Variants in ZNF407 observed in about 807,000 individuals in gnomAD.
The protein encoded by ZNF407 is zinc finger protein 407.
In ZNF407, 17 loss-of-function variants were observed where a neutral mutation model predicts 131.2. The observed-to-expected ratio is 0.13, with a 90% CI of 0.09 to 0.19. The LOEUF is 0.19. ZNF407 is among the 10% of genes least tolerant of loss of function. The pLI is 1.00. For synonymous variants in ZNF407, 1,156 were observed against 1,062.0 expected, an observed-to-expected ratio of 1.09 and a Z score of -1.72; for missense variants, 2,681 against 2,830.6, an observed-to-expected ratio of 0.95 and a Z score of 1.20.
At chr18:75,007,497 G>A (rs529598391) in intron 8 of ZNF407, among the ~76,000 whole-genome samples, 1 of 152,098 alleles carries the variant, frequency 6.6e-6, no homozygotes, top group Non-Finnish European at 1.5e-5. Flanking sequence ...GGACATTCTC[G>A]CACACAATCA....
chr18:74,703,694 A>AT lies in ZNF407; in HGVS notation c.4802+62582dup, dbSNP rs541481003. 1.4e-4 allele frequency among the ~76,000 whole-genome samples: 21 copies of AT among 149,920 alleles called. No homozygotes were observed. The highest frequency in any genetic ancestry group is 3.9e-4 in the East Asian group (2 of 5,102). ...ATCTCTTTTATGGGCTATGAGATTG[A>AT]TTTTTTTTTTAACTGAATATGGTAA... On this transcript the variant is annotated intron_variant, in intron 3 of 8. Coordinates refer to ENST00000299687, the MANE Select transcript of ZNF407 (RefSeq NM_017757.3). This position sits in a 1 kb window ranked among gnomAD's most constrained non-coding sequence, Gnocchi z 4.1.
Position 75,063,442 on chromosome 18 carries a change from G to A in ZNF407, c.5721G>A (p.Glu1907=), listed in dbSNP as rs991548627. 2 of 1,608,898 alleles carry A rather than the reference G, an allele frequency of 1.2e-6. No homozygotes were observed. Among genetic ancestry groups the A allele is most frequent in the Admixed American group, 1.7e-5 (1 of 59,446 alleles). ...GQVARVVHIT[E]DGQVIATSQS... ...TGGCCCGGGTGGTGCATATCACGGA[G>A]GATGGCCAGGTCATCGCCACGAGTC... Residue 1907 remains glutamate (E), a synonymous_variant, in exon 9 of 9, where the codon GAG becomes GAA. Transcript: ENST00000299687. This position sits in a 1 kb window ranked among gnomAD's most constrained non-coding sequence, Gnocchi z 6.6.
At chr18:74,889,863 C>T in intron 6 of ZNF407, 55 bp from the exon 7 acceptor site, 1 of 1,516,310 alleles carries the variant, frequency 6.6e-7, no homozygotes, top group Non-Finnish European at 8.9e-7. Flanking sequence ...AGGTTTATTC[C>T]TTCATTTCCA....
chr18:74,964,603 G>GTTTGTTCT (rs1599267427), intron 8 of ZNF407, among the ~76,000 whole-genome samples: 1 of 143,414 alleles, frequency 7.0e-6, no homozygotes, highest in Non-Finnish European at 1.5e-5. Flanking sequence ...TTTTTTTTGG[G>GTTTGTTCT]TCTTCTGAAC....
chr18:74,641,466 T>A (rs1171628107), intron 3 of ZNF407, among the ~76,000 whole-genome samples: 1 of 152,156 alleles, frequency 6.6e-6, no homozygotes, highest in Non-Finnish European at 1.5e-5. Context: ...AATGTATATG[T>A]ATTTTTTTTT....
In ZNF407 at chr18:75,048,218, C is replaced by T. The variant is rs1450296497; in HGVS notation, c.5429-14932C>T. 6.6e-6 allele frequency among the ~76,000 whole-genome samples: 1 copy of T among 152,220 alleles called. No individual in the cohort carries two copies. Among genetic ancestry groups the T allele is most frequent in the African/African-American group, 2.4e-5 (1 of 41,464 alleles). ...CTGTACAGACACCGCCCTTTTTGCT[C>T]TCAATGGTATTCTGATTTCACTGAT... On this transcript the variant is annotated intron_variant, in intron 8 of 8. Coordinates refer to ENST00000299687, the MANE Select transcript of ZNF407 (RefSeq NM_017757.3). The surrounding 1 kb of genome is among the most constrained non-coding windows in gnomAD (Gnocchi z 4.1).
chr18:74,723,066 T>C (rs1968076696), intron 3 of ZNF407, among the ~76,000 whole-genome samples: 1 of 152,226 alleles, frequency 6.6e-6, no homozygotes, highest in Non-Finnish European at 1.5e-5. Flanking sequence ...TTCAAATTTA[T>C]TGATTCTTTA....
intron 1 of ZNF407, among the ~76,000 whole-genome samples, chr18:74,604,766 C>T (rs1982728290): frequency 6.6e-6 from 1 of 152,190 alleles, no homozygotes. Flanking sequence ...TGCCTCTGTA[C>T]ATACATCATG....
chr18:74,989,579 C>T (rs188859026), intron 8 of ZNF407, among the ~76,000 whole-genome samples: 4 of 152,282 alleles, frequency 2.6e-5, no homozygotes, highest in African/African-American at 9.6e-5. Flanking sequence ...CGGTGGCTCA[C>T]ACCTGTAATC....
chr18:74,896,113 G>A (rs900869815), intron 7 of ZNF407, among the ~76,000 whole-genome samples: 5 of 152,038 alleles, frequency 3.3e-5, no homozygotes, highest in Admixed American at 2.0e-4. Context: ...TTTCTTTTGG[G>A]TGATTTTGAA....
chr18:74,642,338 T>C (rs1984762158), intron 3 of ZNF407, among the ~76,000 whole-genome samples: 1 of 152,138 alleles, frequency 6.6e-6, no homozygotes, highest in Admixed American at 6.5e-5. Flanking sequence ...AAATGGTTCA[T>C]TTTAATTGCT....
At chr18:74,907,720 GTGTT>G (rs1221230454) in intron 7 of ZNF407, among the ~76,000 whole-genome samples, 1 of 152,150 alleles carries the variant, frequency 6.6e-6, no homozygotes, top group Non-Finnish European at 1.5e-5. Context: ...ATTTTGCCTA[GTGTT>G]TAGCTGTTCT....
intron 8 of ZNF407, among the ~76,000 whole-genome samples, chr18:74,987,706 C>A (rs559976730): frequency 6.6e-6 from 1 of 151,656 alleles, no homozygotes; most frequent in East Asian, 1.9e-4. Flanking sequence ...AAAAAAAAAA[C>A]TGGATTAGAA....
At chr18:74,969,037 C>G (rs1231970573) in intron 8 of ZNF407, among the ~76,000 whole-genome samples, 1 of 152,132 alleles carries the variant, frequency 6.6e-6, no homozygotes, top group Non-Finnish European at 1.5e-5. Flanking sequence ...TCTGTCATCG[C>G]CACTCCATTG....
intron 3 of ZNF407, among the ~76,000 whole-genome samples, chr18:74,646,101 A>C (rs529292992): frequency 2.6e-5 from 4 of 152,348 alleles, no homozygotes; most frequent in Non-Finnish European, 5.9e-5. Context: ...AGTAATTTTT[A>C]TAGGCTGGAA....
chr18:74,791,056 G>C (rs1028216649), intron 4 of ZNF407, among the ~76,000 whole-genome samples: 1 of 152,068 alleles, frequency 6.6e-6, no homozygotes, highest in Non-Finnish European at 1.5e-5. Context: ...CTAACACTGT[G>C]GTGTTTTCTT....
Position 74,781,502 on chromosome 18 carries a change from G to T in ZNF407, c.4877G>T (p.Arg1626Met). 1 of 1,503,872 alleles carries T rather than the reference G, an allele frequency of 6.6e-7. No individual in the cohort carries two copies. Among genetic ancestry groups the T allele is most frequent in the South Asian group, 1.4e-5 (1 of 73,958 alleles). The allele number at this position is 1,503,872 out of a possible 1,614,324, so 93.2% of individuals were successfully genotyped here. Residue 1626 changes from arginine to methionine, a missense_variant and splice_region_variant, in exon 4 of 9, where the codon AGG becomes ATG. Coordinates refer to ENST00000299687, the MANE Select transcript of ZNF407 (RefSeq NM_017757.3). The stretch of plus-strand genomic sequence containing the variant: ...CATGGAGTTGGCACCCCAAAAGAAA[G>T]GTAATTTTCATTCTTTTTTTTTCAT... ...GKHGVGTPKE[R>M]KFTCHLCDRS...
chr18:74,786,991 G>C (rs1265286409), intron 4 of ZNF407, among the ~76,000 whole-genome samples: 1 of 151,490 alleles, frequency 6.6e-6, no homozygotes, highest in Non-Finnish European at 1.5e-5. Context: ...GTTTTTAGTA[G>C]AGACGGGGTT....
chr18:74,657,280 T>G (rs1985503772), intron 3 of ZNF407, among the ~76,000 whole-genome samples: 1 of 152,092 alleles, frequency 6.6e-6, no homozygotes, highest in Non-Finnish European at 1.5e-5. Context: ...GAAGGAAAAT[T>G]TTGTATAGTA....
Sources: allele counts gnomAD v4.1 joint callset (sites outside exome capture counted in the v4.1 genomes callset), GRCh38; gene constraint gnomAD v4.1.1; non-coding constraint Gnocchi (gnomAD v3.1); transcripts MANE v1.5; gene names NCBI Gene and HGNC (gene_info 2026-07-23, HGNC 2026-07-21).